The following LRP5 variants were observed in gnomAD, a reference collection of about 807,000 sequenced individuals.
The protein encoded by LRP5 is LDL receptor related protein 5, also known as low-density lipoprotein receptor-related protein 5.
A neutral mutation model predicts 154.1 loss-of-function variants in LRP5; 62 were observed. The ratio of observed to expected loss-of-function variants is 0.40; its 90% confidence interval spans 0.33 to 0.50. The LOEUF is 0.50. Ranked by LOEUF, LRP5 falls within the 20% of genes least tolerant of loss-of-function variation. The pLI, the probability that LRP5 is intolerant of heterozygous loss-of-function variation, is 0.55. For synonymous variants in LRP5, 966 were observed against 1,011.5 expected (o/e 0.96, Z 0.85); for missense variants, 1,915 against 2,336.7 (o/e 0.82, Z 3.72).
At chr11:68,445,529 G>A in intron 21 of LRP5, 1 of 1,144,984 alleles carries the variant, frequency 8.7e-7, no homozygotes, top group Non-Finnish European at 1.2e-6. Flanking sequence ...AGAGAACTGA[G>A]TCCCTCGGGC....
Position 68,423,170 on chromosome 11 carries a change from G to A in LRP5, c.3028-319G>A, listed in dbSNP as rs544825213. On this transcript the variant is annotated intron_variant, in intron 13 of 22. Coordinates refer to ENST00000294304, the MANE Select transcript of LRP5 (RefSeq NM_002335.4). This position sits in a 1 kb window ranked among gnomAD's most constrained non-coding sequence, Gnocchi z 4.7. ...GGGTGCCCGGCGGGTGGCTGAGGAG[G>A]CCTAAAGTCCGAGGCGGCAAGAGCT... 3.7e-4 allele frequency among the ~76,000 whole-genome samples: 56 copies of A among 152,282 alleles called. No homozygotes were observed. The highest frequency in any genetic ancestry group is 1.3e-3 in the African/African-American group (55 of 41,554).
intron 17 of LRP5, 129 bp downstream of exon 17, chr11:68,429,829 C>A: frequency 8.2e-7 from 1 of 1,220,438 alleles, no homozygotes; most frequent in Non-Finnish European, 1.2e-6. Context: ...CTGATTGTGT[C>A]TTCCTTTGCC....
chr11:68,409,115 C>A (rs2098657739), intron 9 of LRP5, among the ~76,000 whole-genome samples: 1 of 116,344 alleles, frequency 8.6e-6, no homozygotes, highest in African/African-American at 3.8e-5. Context: ...TACACGCACA[C>A]ACACATAATA....
intron 5 of LRP5, among the ~76,000 whole-genome samples, chr11:68,376,125 G>A (rs1291041980): frequency 4.6e-5 from 7 of 151,418 alleles, no homozygotes; most frequent in African/African-American, 1.2e-4. Flanking sequence ...ACCCAGGCAC[G>A]CGTCCTGGGA....
At chr11:68,361,712 C>G (rs1020158197) in intron 3 of LRP5, among the ~76,000 whole-genome samples, 1 of 152,072 alleles carries the variant, frequency 6.6e-6, no homozygotes, top group Non-Finnish European at 1.5e-5. Context: ...TTCCCAGCTA[C>G]TCAGGAGGCT....
At chr11:68,379,657 A>G (rs781375103) in intron 5 of LRP5, among the ~76,000 whole-genome samples, 3 of 152,224 alleles carry the variant, frequency 2.0e-5, no homozygotes, top group Non-Finnish European at 4.4e-5. Context: ...TGTTGTCCCT[A>G]TTGACTTGTA....
intron 1 of LRP5, among the ~76,000 whole-genome samples, chr11:68,344,087 G>T (rs550274394): frequency 6.6e-6 from 1 of 152,230 alleles, no homozygotes; most frequent in African/African-American, 2.4e-5. Flanking sequence ...GTGGCGCCTG[G>T]GTGCATCGCC....
intron 5 of LRP5, among the ~76,000 whole-genome samples, chr11:68,366,950 G>A (rs932610323): frequency 6.7e-6 from 1 of 149,724 alleles, no homozygotes; most frequent in African/African-American, 2.5e-5. Context: ...GGGACCCCGC[G>A]GTGCAGACAG....
rs1286271224 is a variant in LRP5 at position 68,395,530 on chromosome 11, C to G, written c.1584+5478C>G. Among the ~76,000 whole-genome samples the G allele has an allele frequency of 2.6e-5, 4 of 152,222 alleles. No homozygotes were observed. The East Asian group carries it at 5.8e-4, about 22-fold the overall frequency. On this transcript the variant is annotated intron_variant, in intron 7 of 22. Transcript: ENST00000294304. ...TTTGGTGGCCAGAACTTGGGGACTG[C>G]TGGGGTGCCTCACTGCAGGCCTTCT...
At chr11:68,431,651 C>A (rs1246063809) in intron 17 of LRP5, among the ~76,000 whole-genome samples, 2 of 152,196 alleles carry the variant, frequency 1.3e-5, no homozygotes. Flanking sequence ...TGGCCGTAAG[C>A]AGAGGGGACA....
intron 1 of LRP5, among the ~76,000 whole-genome samples, chr11:68,336,916 A>T (rs545031652): frequency 5.9e-5 from 9 of 152,394 alleles, no homozygotes; most frequent in Admixed American, 5.9e-4. Flanking sequence ...TTAATAAATC[A>T]TTGAAAACAG....
At chr11:68,358,517 G>GT (rs2153136509) in intron 3 of LRP5, among the ~76,000 whole-genome samples, 1 of 152,300 alleles carries the variant, frequency 6.6e-6, no homozygotes, top group South Asian at 2.1e-4. Context: ...GCCCGGCAGG[G>GT]TTGTGAACAG....
At chr11:68,381,086 G>A (rs2098640012) in intron 5 of LRP5, among the ~76,000 whole-genome samples, 1 of 152,226 alleles carries the variant, frequency 6.6e-6, no homozygotes, top group South Asian at 2.1e-4. Flanking sequence ...GACACTCAGG[G>A]GTGAAGGCTG....
intron 5 of LRP5, among the ~76,000 whole-genome samples, chr11:68,368,278 G>T (rs1438507955): frequency 6.6e-6 from 1 of 152,220 alleles, no homozygotes; most frequent in Non-Finnish European, 1.5e-5. Context: ...ACCTGGATCG[G>T]GTACGGAACA....
chr11:68,404,560 T>C (rs2098654444), intron 8 of LRP5: 1 of 480,820 alleles, frequency 2.1e-6, no homozygotes, highest in Non-Finnish European at 4.1e-6. Context: ...TGAGGCAGTG[T>C]GGGCGACCCC....
Position 68,448,857 on chromosome 11 carries a change from C to T in LRP5, c.4635C>T (p.Thr1545=), listed in dbSNP as rs145406397. ...CGCCCCCGACGACGCCCTGCAGCAC[C>T]GACGTGTGTGACAGCGACTACAGCG... ...GMAPPTTPCS[T]DVCDSDYSAS... Residue 1545 remains threonine (T), a synonymous_variant, in exon 23 of 23, where the codon ACC becomes ACT. Coordinates refer to ENST00000294304, the MANE Select transcript of LRP5 (RefSeq NM_002335.4). 1.4e-3 allele frequency: 2,290 copies of T among 1,612,046 alleles called. 15 individuals carry two copies. The highest frequency in any genetic ancestry group is 9.9e-3 in the African/African-American group (744 of 75,030).
chr11:68,311,352 C>T (rs951133430), upstream of LRP5, among the ~76,000 whole-genome samples: 1 of 152,272 alleles, frequency 6.6e-6, no homozygotes, highest in Admixed American at 6.5e-5. Context: ...CCGAATCCAG[C>T]GACCAGGCTG....
At chr11:68,401,173 G>A (rs1332711706) in intron 7 of LRP5, among the ~76,000 whole-genome samples, 1 of 152,180 alleles carries the variant, frequency 6.6e-6, no homozygotes, top group Non-Finnish European at 1.5e-5. Context: ...CTGGGATGGG[G>A]CCAACCCCTC....
rs148271293 is a variant in LRP5 at position 68,413,729 on chromosome 11, G to T, written c.2544G>T (p.Pro848=). 6.2e-7 allele frequency: 1 copy of T among 1,613,714 alleles called. No homozygotes were observed. The highest frequency in any genetic ancestry group is 2.2e-5 in the East Asian group (1 of 44,886). ...RVVIADDLPH[P]FGLTQYSDYI... ...TGATTGCCGACGATCTCCCGCACCC[G>T]TTCGGTCTGACGCAGTACAGCGATT... The change falls in exon 12 of 23, where the codon CCG becomes CCT. Residue 848 remains proline (P), a synonymous_variant. Transcript: ENST00000294304. This position sits in a 1 kb window ranked among gnomAD's most constrained non-coding sequence, Gnocchi z 5.1.
Sources: allele counts gnomAD v4.1 joint callset (sites outside exome capture counted in the v4.1 genomes callset), GRCh38; gene constraint gnomAD v4.1.1; non-coding constraint Gnocchi (gnomAD v3.1); transcripts MANE v1.5; gene names NCBI Gene and HGNC (gene_info 2026-07-23, HGNC 2026-07-21).